ADAM28: variants seen among roughly 807,000 people sequenced by gnomAD.
The protein encoded by ADAM28 is ADAM metallopeptidase domain 28, also known as disintegrin and metalloproteinase domain-containing protein 28.
ADAM28 carries 105 observed loss-of-function variants against 101.2 expected under a neutral mutation model. That is an observed-to-expected ratio of 1.04 (90% CI 0.89 to 1.22). ADAM28 has a LOEUF of 1.22. ADAM28 is among the 50% of genes most tolerant of loss of function. ADAM28 has a pLI of 0.00. For missense variants in ADAM28, 1,028 were observed against 945.4 expected, an observed-to-expected ratio of 1.09 and a Z score of -1.15; for synonymous variants, 322 against 310.6, an observed-to-expected ratio of 1.04 and a Z score of -0.39.
At position 24,313,608 on chromosome 8, in the gene ADAM28, G is replaced by A. The variant is rs201058493; in HGVS notation, c.576+28G>A. 2.7e-5 allele frequency: 43 copies of A among 1,605,900 alleles called. No individual in the cohort carries two copies. In the African/African-American group the frequency reaches 4.5e-4, roughly 17 times the overall value. ...ATGTGTAACTTTATTTATTTGAAAT[G>A]CTCTCATGTATTCTGCCCTGGTTTC... On this transcript the variant is annotated intron_variant, in intron 6 of 22. Transcript: ENST00000265769.
At chr8:24,305,726 A>T (rs377153613) in intron 2 of ADAM28, among the ~76,000 whole-genome samples, 3 of 152,028 alleles carry the variant, frequency 2.0e-5, no homozygotes, top group African/African-American at 7.2e-5. Flanking sequence ...TTTTAGTTTC[A>T]TCTATTACAT....
chr8:24,353,906 CT>C, intron 22 of ADAM28, 74 bp downstream of exon 22: 1 of 1,095,686 alleles, frequency 9.1e-7, no homozygotes, highest in Non-Finnish European at 1.3e-6. Context: ...CCCACCATGT[CT>C]TTTTAGAAAA....
At chr8:24,335,322 G>A in intron 13 of ADAM28, 124 bp from the exon 14 acceptor site, 1 of 1,416,642 alleles carries the variant, frequency 7.1e-7, no homozygotes, top group Non-Finnish European at 9.3e-7. Flanking sequence ...GTAAGCTTCA[G>A]TGAAATGACA....
rs1291511491 is a variant in ADAM28, at chr8:24,351,311, G to A, written c.2178+1G>A. On this transcript the variant is annotated splice_donor_variant, in intron 20 of 22. Transcript: ENST00000265769. LOFTEE classifies it high-confidence loss of function. ...GGTAAAGGCTGTTCAACCCCAAGAG[G>A]TGAACTATATAGTCTGGGCTGTGAT... is the stretch of plus-strand genomic sequence containing the variant. 1 of 1,613,094 alleles carries A rather than the reference G, an allele frequency of 6.2e-7. No homozygotes were observed. Among genetic ancestry groups the A allele is most frequent in the South Asian group, 1.1e-5 (1 of 91,054 alleles).
chr8:24,349,212 C>CTCTTGTGGTTTCA (rs1450693447), intron 18 of ADAM28, among the ~76,000 whole-genome samples: 1 of 152,168 alleles, frequency 6.6e-6, no homozygotes, highest in African/African-American at 2.4e-5. Context: ...CCTTCCTGGT[C>CTCTTGTGGTTTCA]TCTTGTGGTT....
At chr8:24,335,026 G>A (rs970616580) in intron 13 of ADAM28, among the ~76,000 whole-genome samples, 5 of 152,182 alleles carry the variant, frequency 3.3e-5, no homozygotes, top group African/African-American at 2.4e-5. Flanking sequence ...GTGCTTGTAA[G>A]CTTATCTCCT....
chr8:24,330,189 G>T, intron 11 of ADAM28, 74 bp downstream of exon 11: 1 of 1,487,116 alleles, frequency 6.7e-7, no homozygotes, highest in South Asian at 1.4e-5. Context: ...ACTACTTTAG[G>T]TCATCTTCAA....
chr8:24,341,435 G>C lies in ADAM28; in HGVS notation c.1671-163G>C, dbSNP rs957370621. ...TTGAGCAATAATATATTGTGCTAAC[G>C]TTCAGGCATCCTATTACTGAGAAAT... is the stretch of plus-strand genomic sequence containing the variant. On this transcript the variant is annotated intron_variant, in intron 15 of 22. Coordinates refer to ENST00000265769, the MANE Select transcript of ADAM28 (RefSeq NM_014265.6). 4 of 695,696 alleles carry C rather than the reference G, an allele frequency of 5.7e-6. No homozygotes were observed. The Admixed American group carries it at 8.7e-5, about 15-fold the overall frequency. 43.1% of individuals were successfully genotyped at this position (695,696 alleles called of 1,614,324 possible). A position where few individuals can be genotyped will look rare whatever the true frequency, so the allele number is the denominator to read the frequency against.
intron 21 of ADAM28, among the ~76,000 whole-genome samples, chr8:24,352,335 G>A (rs1276185533): frequency 3.3e-5 from 5 of 152,174 alleles, no homozygotes; most frequent in Non-Finnish European, 5.9e-5. Flanking sequence ...AACATAGATT[G>A]AGTGGCTTAA....
intron 2 of ADAM28, among the ~76,000 whole-genome samples, chr8:24,302,869 A>G (rs1014526534): frequency 6.0e-5 from 9 of 150,442 alleles, no homozygotes; most frequent in Non-Finnish European, 1.3e-4. Context: ...TGCTACACCC[A>G]TTAACTCATC....
rs1161815176 is a variant in ADAM28 at position 24,356,526 on chromosome 8, G to C, written c.*2122G>C. On this transcript the variant is annotated 3_prime_UTR_variant, in exon 23 of 23. Coordinates refer to ENST00000265769, the MANE Select transcript of ADAM28 (RefSeq NM_014265.6). ...TTGAAGAGAAGAAATGCAGTACAAT[G>C]ACAGGAAAACCATTATTTTATCATA... 6.6e-6 allele frequency: 1 copy of C among 152,132 alleles called. No homozygotes were observed. The highest frequency in any genetic ancestry group is 1.5e-5 in the Non-Finnish European group (1 of 68,016). The allele number at this position is 152,132 out of a possible 1,614,324, so 9.4% of individuals were successfully genotyped here. A position where few individuals can be genotyped will look rare whatever the true frequency, so the allele number is the denominator to read the frequency against.
chr8:24,344,266 G>T (rs1186388387), intron 18 of ADAM28, among the ~76,000 whole-genome samples: 2 of 151,406 alleles, frequency 1.3e-5, no homozygotes, highest in Non-Finnish European at 3.0e-5. Context: ...CCTGAGGAGG[G>T]AGCTCATCAC....
Position 24,300,190 on chromosome 8 carries a change from A to G in ADAM28, c.150+113A>G, listed in dbSNP as rs182061675. On this transcript the variant is annotated intron_variant, in intron 2 of 22. Transcript: ENST00000265769. The stretch of plus-strand genomic sequence containing the variant: ...GGGATTTATACATGTATGTTTATAT[A>G]TGTGTGTGTGTGTATGTGTGTGCCT... 2,770 of 861,076 alleles carry G rather than the reference A, an allele frequency of 3.2e-3. 12 individuals carry two copies. The highest frequency in any genetic ancestry group is 3.6e-3 in the Non-Finnish European group (2,086 of 574,674). The allele number at this position is 861,076 out of a possible 1,614,324, so 53.3% of individuals were successfully genotyped here. A position where few individuals can be genotyped will look rare whatever the true frequency, so the allele number is the denominator to read the frequency against.
At chr8:24,301,839 T>C (rs1808822646) in intron 2 of ADAM28, among the ~76,000 whole-genome samples, 1 of 152,222 alleles carries the variant, frequency 6.6e-6, no homozygotes, top group Admixed American at 6.5e-5. Context: ...TAAGAGTCAG[T>C]CTGTAACCCT....
intron 13 of ADAM28, among the ~76,000 whole-genome samples, chr8:24,334,398 C>T (rs578224274): frequency 6.6e-6 from 1 of 152,210 alleles, no homozygotes; most frequent in African/African-American, 2.4e-5. Context: ...AATATGAATT[C>T]GAGGCTCTTC....
At chr8:24,294,801 C>A (rs1315582120) in intron 1 of ADAM28, among the ~76,000 whole-genome samples, 1 of 152,110 alleles carries the variant, frequency 6.6e-6, no homozygotes, top group Non-Finnish European at 1.5e-5. Flanking sequence ...TTATACCAAA[C>A]ATTTAAAAAT....
chr8:24,317,867 T>C (rs1309519486), intron 6 of ADAM28, among the ~76,000 whole-genome samples: 2 of 151,946 alleles, frequency 1.3e-5, no homozygotes, highest in Non-Finnish European at 1.5e-5. Flanking sequence ...TAGCCAAATA[T>C]GCGGGGTTAA....
intron 3 of ADAM28, 77 bp downstream of exon 3, chr8:24,310,047 C>T: frequency 6.8e-7 from 1 of 1,476,050 alleles, no homozygotes; most frequent in Non-Finnish European, 9.4e-7. Flanking sequence ...TCTGTTGCTG[C>T]TTATGGCTCA....
chr8:24,307,720 A>G (rs1809885902), intron 2 of ADAM28, among the ~76,000 whole-genome samples: 1 of 152,192 alleles, frequency 6.6e-6, no homozygotes, highest in Non-Finnish European at 1.5e-5. Context: ...CTTAAATTCT[A>G]AAGACAGTAA....
Sources: allele counts gnomAD v4.1 joint callset (sites outside exome capture counted in the v4.1 genomes callset), GRCh38; gene constraint gnomAD v4.1.1; transcripts MANE v1.5; gene names NCBI Gene and HGNC (gene_info 2026-07-23, HGNC 2026-07-21).